Variants in PARD3B observed in about 807,000 individuals in gnomAD.
PARD3B encodes the protein par-3 family cell polarity regulator beta.
Under a neutral mutation model 130.2 loss-of-function variants are expected in PARD3B, and 103 were observed. The ratio of observed to expected loss-of-function variants is 0.79; its 90% CI spans 0.67 to 0.93. The LOEUF (loss-of-function observed/expected upper bound fraction) is 0.93, where lower values mean the gene tolerates loss of function less well. Among genes scored for constraint, PARD3B ranks in the 40% least tolerant of loss-of-function variants. The pLI, the probability that PARD3B is intolerant of heterozygous loss-of-function variation, is 0.00. For synonymous variants in PARD3B, 583 were observed against 553.2 expected (o/e 1.05, Z -0.76); for missense variants, 1,609 against 1,499.2 (o/e 1.07, Z -1.21).
At chr2:205,221,155 A>G (rs2038217826) in intron 15 of PARD3B, among the ~76,000 whole-genome samples, 1 of 152,340 alleles carries the variant, frequency 6.6e-6, no homozygotes, top group South Asian at 2.1e-4. Flanking sequence ...AGATTAGTCA[A>G]GAGATGTTAC....
chr2:204,947,325 T>C (rs1689406175), intron 2 of PARD3B, among the ~76,000 whole-genome samples: 1 of 152,192 alleles, frequency 6.6e-6, no homozygotes, highest in East Asian at 1.9e-4. Context: ...ATTTTGTCAA[T>C]GACATTTTAT....
Position 205,615,540 on chromosome 2 carries a change from G to T in PARD3B, c.3345G>T (p.Gly1115=), listed in dbSNP as rs377195203. 4 of 1,613,952 alleles carry T rather than the reference G, an allele frequency of 2.5e-6. No homozygotes were observed. The African/African-American group carries it at 4.0e-5, about 16-fold the overall frequency. ...AAAGGGAGCTTCCCTATTATCCAGG[G>T]GCTCATCCTATGCACCCTCCCAAAG... ...YKERELPYYP[G]AHPMHPPKGS... is the part of the protein sequence containing the mutation. The change falls in exon 23 of 23, where the codon GGG becomes GGT. Residue 1115 remains glycine (G), a synonymous_variant. Transcript: ENST00000406610.
At chr2:205,538,603 A>T (rs2051975728) in intron 21 of PARD3B, among the ~76,000 whole-genome samples, 1 of 152,058 alleles carries the variant, frequency 6.6e-6, no homozygotes, top group Non-Finnish European at 1.5e-5. Flanking sequence ...TCTCTCTATA[A>T]TTCCCTCTCT....
chr2:204,564,763 T>C (rs1414913108), intron 1 of PARD3B, among the ~76,000 whole-genome samples: 2 of 152,208 alleles, frequency 1.3e-5, no homozygotes, highest in South Asian at 2.1e-4. Flanking sequence ...GATTTAAATA[T>C]ATGAAGAAAA....
chr2:205,249,454 TCC>T (rs1312542313), intron 16 of PARD3B, among the ~76,000 whole-genome samples: 8 of 152,128 alleles, frequency 5.3e-5, no homozygotes, highest in Admixed American at 1.3e-4. Flanking sequence ...CTTGGGTACC[TCC>T]CAAATTTGTG....
intron 19 of PARD3B, among the ~76,000 whole-genome samples, chr2:205,424,792 C>A (rs917934568): frequency 2.0e-4 from 31 of 152,084 alleles, no homozygotes. Flanking sequence ...GAGGGCCTGT[C>A]GTTTAGTTTT....
At chr2:205,030,273 T>G (rs1053285673) in intron 3 of PARD3B, among the ~76,000 whole-genome samples, 15 of 152,110 alleles carry the variant, frequency 9.9e-5, no homozygotes, top group African/African-American at 3.6e-4. Context: ...TCTGACTGTT[T>G]GTTGAATATT....
chr2:204,701,619 C>G (rs1444367569), intron 2 of PARD3B, among the ~76,000 whole-genome samples: 1 of 152,118 alleles, frequency 6.6e-6, no homozygotes, highest in Non-Finnish European at 1.5e-5. Flanking sequence ...CTGGATTTAA[C>G]TGATTTTCAG....
chr2:205,277,983 G>C (rs1028656972), intron 16 of PARD3B, among the ~76,000 whole-genome samples: 2 of 152,154 alleles, frequency 1.3e-5, no homozygotes, highest in Admixed American at 1.3e-4. Context: ...ACTGGTACCA[G>C]AGACCAAGAA....
At chr2:205,113,632 C>A (rs201854813) in intron 6 of PARD3B, 55 bp downstream of exon 6, 11 of 836,636 alleles carry the variant, frequency 1.3e-5, no homozygotes, top group Admixed American at 3.7e-5. Context: ...CTGATTTGAG[C>A]TCCTTTTCCC....
chr2:205,483,102 C>G (rs1012978663), intron 20 of PARD3B, among the ~76,000 whole-genome samples: 1 of 152,090 alleles, frequency 6.6e-6, no homozygotes, highest in Non-Finnish European at 1.5e-5. Context: ...AAGTGCATGC[C>G]TCTCTCTCTG....
chr2:204,734,771 G>A (rs2039671114), intron 2 of PARD3B, among the ~76,000 whole-genome samples: 2 of 152,122 alleles, frequency 1.3e-5, no homozygotes, highest in South Asian at 4.1e-4. Flanking sequence ...CAAAGAGCAG[G>A]AGGGAAATTT....
At position 205,312,918 on chromosome 2, in the gene PARD3B, G is replaced by A. The variant is rs1574670161; in HGVS notation, c.2630+11217G>A. ...TGCAAAGTAGAGAGTATAATATACT[G>A]ATATTGACTTGTGTTAAACCCAGTG... is the stretch of plus-strand genomic sequence containing the variant. On this transcript the variant is annotated intron_variant, in intron 18 of 22. Coordinates refer to ENST00000406610, the MANE Select transcript of PARD3B (RefSeq NM_001302769.2). Among the ~76,000 whole-genome samples the A allele has an allele frequency of 2.0e-5, 3 of 152,056 alleles. No homozygotes were observed. The South Asian group carries it at 6.2e-4, about 32-fold the overall frequency.
At chr2:205,521,285 T>TATATTTCTTCTTTTTATGAATTTTTTA (rs1456329929) in intron 21 of PARD3B, among the ~76,000 whole-genome samples, 10 of 152,056 alleles carry the variant, frequency 6.6e-5, no homozygotes, top group Admixed American at 3.9e-4. Context: ...ATTGGCCATG[T>TATATTTCTTCTTTTTATGAATTTTTTA]ATATTTCTTC....
intron 18 of PARD3B, among the ~76,000 whole-genome samples, chr2:205,357,174 A>AG (rs974930927): frequency 1.3e-5 from 2 of 152,308 alleles, no homozygotes; most frequent in African/African-American, 4.8e-5. Context: ...TATTAAGCAC[A>AG]GTGTGTTGTG....
chr2:205,435,268 A>G (rs1022174203), intron 19 of PARD3B, among the ~76,000 whole-genome samples: 1 of 151,962 alleles, frequency 6.6e-6, no homozygotes, highest in Non-Finnish European at 1.5e-5. Flanking sequence ...TACATACATC[A>G]TCTTCTTTTT....
At chr2:205,603,651 G>T (rs2054876397) in intron 22 of PARD3B, among the ~76,000 whole-genome samples, 1 of 151,936 alleles carries the variant, frequency 6.6e-6, no homozygotes, top group Non-Finnish European at 1.5e-5. Context: ...AGTCTGTTTT[G>T]TCAGAAACCA....
chr2:205,199,516 C>T (rs1432580357), intron 15 of PARD3B, among the ~76,000 whole-genome samples: 5 of 151,642 alleles, frequency 3.3e-5, no homozygotes, highest in East Asian at 1.9e-4. Context: ...CACGCACACA[C>T]GTAGTAAAAA....
chr2:205,534,703 A>G (rs2051763490), intron 21 of PARD3B, among the ~76,000 whole-genome samples: 3 of 152,150 alleles, frequency 2.0e-5, no homozygotes, highest in African/African-American at 7.2e-5. Context: ...TCCTGACCTC[A>G]AGTGATCCAC....
Sources: gnomAD v4.1 joint callset for allele counts (sites outside exome capture counted in the v4.1 genomes callset) on GRCh38, gnomAD v4.1.1 for gene constraint, MANE v1.5 for transcripts, NCBI Gene and HGNC (gene_info 2026-07-23, HGNC 2026-07-21) for gene names.